Variants in CD28 observed in about 807,000 individuals in gnomAD.
CD28 encodes T-cell-specific surface glycoprotein CD28.
CD28 carries 8 observed loss-of-function variants against 21.4 expected under a neutral mutation model. The observed-to-expected ratio is 0.37, with a 90% CI of 0.22 to 0.68. The LOEUF (loss-of-function observed/expected upper bound fraction) is 0.68. CD28 is among the 30% of genes least tolerant of loss of function. The probability of loss-of-function intolerance (pLI) is 0.55; values close to 1 mark genes in which losing one functional copy is unlikely to be tolerated. For synonymous variants in CD28, 106 were observed against 104.0 expected, an observed-to-expected ratio of 1.02 and a Z score of -0.12; for missense variants, 239 against 272.2, an observed-to-expected ratio of 0.88 and a Z score of 0.86.
intron 1 of CD28, 56 bp from the exon 2 acceptor site, chr2:203,726,577 G>A: frequency 3.0e-6 from 4 of 1,333,194 alleles, no homozygotes; most frequent in Non-Finnish European, 4.2e-6. Context: ...TTGCTCTCAG[G>A]AAGAAAAATT....
At chr2:203,718,217 G>A (rs942994706) in intron 1 of CD28, among the ~76,000 whole-genome samples, 1 of 152,154 alleles carries the variant, frequency 6.6e-6, no homozygotes, top group African/African-American at 2.4e-5. Flanking sequence ...AGGGAGCACG[G>A]TTTGTCTCAC....
At chr2:203,707,284 TAAGC>T (rs1463809725) in intron 1 of CD28, among the ~76,000 whole-genome samples, 1 of 152,134 alleles carries the variant, frequency 6.6e-6, no homozygotes, top group Non-Finnish European at 1.5e-5. Flanking sequence ...TCTCACTAGG[TAAGC>T]TTAGGCTTAG....
intron 1 of CD28, among the ~76,000 whole-genome samples, chr2:203,708,579 A>G (rs34813348): frequency 0.15 from 22,243 of 152,218 alleles, 1,856 homozygotes; most frequent in Non-Finnish European, 0.19. Context: ...AAAACTTTGT[A>G]TGTTTTCTTT....
chr2:203,719,730 GAGAC>G (rs1327952807), intron 1 of CD28, among the ~76,000 whole-genome samples: 1 of 152,166 alleles, frequency 6.6e-6, no homozygotes, highest in Non-Finnish European at 1.5e-5. Context: ...GATGAGATAA[GAGAC>G]AGCATTTTAT....
intron 2 of CD28, among the ~76,000 whole-genome samples, chr2:203,727,510 C>T (rs1268495869): frequency 4.1e-5 from 6 of 146,814 alleles, no homozygotes; most frequent in Non-Finnish European, 9.0e-5. Flanking sequence ...GACGGACTCT[C>T]GCTCTGTCGC....
intron 1 of CD28, among the ~76,000 whole-genome samples, chr2:203,723,759 G>A (rs1189880691): frequency 1.3e-5 from 2 of 152,208 alleles, no homozygotes; most frequent in African/African-American, 2.4e-5. Context: ...CGGCAAGGGT[G>A]AGGATAAATT....
At chr2:203,734,758 C>T in intron 3 of CD28, 26 bp from the exon 4 acceptor site, 1 of 1,613,734 alleles carries the variant, frequency 6.2e-7, no homozygotes, top group South Asian at 1.1e-5. Flanking sequence ...ATTGTCCCTC[C>T]ATACTGACAC....
At chr2:203,728,635 C>T (rs2106121571) in intron 2 of CD28, among the ~76,000 whole-genome samples, 1 of 152,140 alleles carries the variant, frequency 6.6e-6, no homozygotes, top group African/African-American at 2.4e-5. Context: ...TTTGCTGAGT[C>T]CTATTTAGAT....
chr2:203,733,851 C>T (rs1693959141), intron 3 of CD28, among the ~76,000 whole-genome samples: 2 of 152,220 alleles, frequency 1.3e-5, no homozygotes, highest in African/African-American at 4.8e-5. Flanking sequence ...AGCACTTACT[C>T]ATGCCCCTTT....
rs924918302 is a variant in CD28 at position 203,734,989 on chromosome 2, C to T, written c.*77C>T. On this transcript the variant is annotated 3_prime_UTR_variant, in exon 4 of 4. Transcript: ENST00000324106. ...ATCACTGCTCTGGATAGGAAATGAC[C>T]GCCATCTCCAGCCGGCCACCTCAGG... is the stretch of plus-strand genomic sequence containing the variant. 31 of 1,538,158 alleles carry T rather than the reference C, an allele frequency of 2.0e-5. No homozygotes were observed. The highest frequency in any genetic ancestry group is 5.5e-5 in the African/African-American group (4 of 72,882).
intron 1 of CD28, among the ~76,000 whole-genome samples, chr2:203,710,503 C>T (rs187543305): frequency 1.6e-4 from 24 of 152,322 alleles, no homozygotes; most frequent in Non-Finnish European, 2.8e-4. Context: ...GAGAGGATCT[C>T]GCTGCCTCCC....
chr2:203,709,738 G>A (rs1305098188), intron 1 of CD28, among the ~76,000 whole-genome samples: 1 of 152,150 alleles, frequency 6.6e-6, no homozygotes, highest in Non-Finnish European at 1.5e-5. Context: ...CTTGACATTG[G>A]TCACATGTTT....
chr2:203,723,226 A>G (rs1693651235), intron 1 of CD28, among the ~76,000 whole-genome samples: 1 of 152,222 alleles, frequency 6.6e-6, no homozygotes, highest in African/African-American at 2.4e-5. Context: ...CAAATCACAT[A>G]TCTGATAAGA....
chr2:203,726,850 G>C lies in CD28; in HGVS notation c.270G>C (p.Leu90Phe). The change falls in exon 2 of 4, where the codon TTG becomes TTC. Residue 90 changes from leucine to phenylalanine, a missense_variant. By Grantham distance (22) the Leu-to-Phe change is conservative. Around this residue, in one of 3 missense-constraint regions of CD28, gnomAD observed 104 missense variants for 108.5 expected, o/e 0.96. Coordinates refer to ENST00000324106, the MANE Select transcript of CD28 (RefSeq NM_006139.4). ...SKTGFNCDGK[L>F]GNESVTFYLQ... ...CGGGGTTCAACTGTGATGGGAAATTGGGCAATGAATCAGTGACATTCTACC... is the reference window on the plus strand; with the variant it reads ...CGGGGTTCAACTGTGATGGGAAATTCGGCAATGAATCAGTGACATTCTACC... The C allele has an allele frequency of 1.2e-6, 2 of 1,614,068 alleles. No homozygotes were observed. Among genetic ancestry groups the C allele is most frequent in the Non-Finnish European group, 1.7e-6 (2 of 1,179,968 alleles).
At chr2:203,721,119 G>C (rs1341173683) in intron 1 of CD28, among the ~76,000 whole-genome samples, 1 of 152,200 alleles carries the variant, frequency 6.6e-6, no homozygotes, top group Non-Finnish European at 1.5e-5. Flanking sequence ...TTAACACATA[G>C]TAAGCAAACG....
chr2:203,715,202 T>C (rs555919260), intron 1 of CD28, among the ~76,000 whole-genome samples: 1 of 152,310 alleles, frequency 6.6e-6, no homozygotes, highest in Admixed American at 6.5e-5. Flanking sequence ...GGTCTCTTTA[T>C]ACCTGTGGGT....
chr2:203,737,695 G>T lies in CD28; in HGVS notation c.*2783G>T, dbSNP rs1694071789. 1 of 152,564 alleles carries T rather than the reference G, an allele frequency of 6.6e-6. No individual in the cohort carries two copies. Among genetic ancestry groups the T allele is most frequent in the East Asian group, 1.9e-4 (1 of 5,190 alleles). The allele number at this position is 152,564 out of a possible 1,614,324, so 9.5% of individuals were successfully genotyped here. The stretch of plus-strand genomic sequence containing the variant: ...AACAATGTCATTTGCTGCTATTATT[G>T]TAAGAGTCTTATAATTAATGGTACT... On this transcript the variant is annotated 3_prime_UTR_variant, in exon 4 of 4. Transcript: ENST00000324106.
At chr2:203,725,781 A>G (rs1418006515) in intron 1 of CD28, among the ~76,000 whole-genome samples, 1 of 152,244 alleles carries the variant, frequency 6.6e-6, no homozygotes, top group Non-Finnish European at 1.5e-5. Flanking sequence ...TGCAGAAAAC[A>G]CATTAAAGCA....
In CD28 at chr2:203,706,655, G is replaced by T. The variant is rs201138857; in HGVS notation, c.-42G>T. ...GTTCCCCTCACACTTCGGGTTCCTC[G>T]GGGAGGAGGGGCTGGAACCCTAGCC... is the stretch of plus-strand genomic sequence containing the variant. On this transcript the variant is annotated 5_prime_UTR_variant, in exon 1 of 4. Transcript: ENST00000324106. 1.9e-6 allele frequency: 3 copies of T among 1,613,870 alleles called. No individual in the cohort carries two copies. The Admixed American group carries it at 5.0e-5, about 27-fold the overall frequency.
Sources: gnomAD v4.1 joint callset for allele counts (sites outside exome capture counted in the v4.1 genomes callset) on GRCh38, gnomAD v4.1.1 for gene constraint, gnomAD v4.1.1 regional missense constraint, MANE v1.5 for transcripts, NCBI Gene and HGNC (gene_info 2026-07-23, HGNC 2026-07-21) for gene names.